Variants in TRIM61 observed in about 807,000 individuals in gnomAD.
The protein encoded by TRIM61 is tripartite motif containing 61, also known as putative tripartite motif-containing protein 61.
TRIM61 carries 1 observed loss-of-function variant against 14.2 expected under a neutral mutation model. The observed-to-expected ratio is 0.07, with a 90% CI of 0.03 to 0.33. TRIM61 has a LOEUF of 0.33. Among genes scored for constraint, TRIM61 ranks in the 10% least tolerant of loss-of-function variants. TRIM61 has a pLI of 0.99. For missense variants in TRIM61, 19 were observed against 202.2 expected (o/e 0.09, Z 5.49); for synonymous variants, 8 against 71.6 (o/e 0.11, Z 4.49).
intron 3 of TRIM61, among the ~76,000 whole-genome samples, chr4:164,964,533 T>G (rs973139269): frequency 6.6e-6 from 1 of 151,824 alleles, no homozygotes; most frequent in African/African-American, 2.4e-5. Context: ...GGCAATAAAT[T>G]GTTAACTGCC....
intron 2 of TRIM61, among the ~76,000 whole-genome samples, chr4:164,973,305 C>A (rs954555363): frequency 6.6e-6 from 1 of 152,182 alleles, no homozygotes; most frequent in Non-Finnish European, 1.5e-5. Flanking sequence ...TCCAACATTA[C>A]GCTAATTGGC....
intron 2 of TRIM61, among the ~76,000 whole-genome samples, chr4:164,971,295 A>G (rs1355294967): frequency 6.6e-6 from 1 of 152,124 alleles, no homozygotes; most frequent in African/African-American, 2.4e-5. Flanking sequence ...AGGTTCAACA[A>G]TTAAAAAAAT....
chr4:164,975,966 G>A (rs1732472050), intron 2 of TRIM61, among the ~76,000 whole-genome samples: 1 of 152,216 alleles, frequency 6.6e-6, no homozygotes, highest in Admixed American at 6.5e-5. Context: ...ACCGCCCTAT[G>A]GTGGGAGGCG....
chr4:164,960,958 A>G (rs538491248), intron 3 of TRIM61, among the ~76,000 whole-genome samples: 5 of 152,222 alleles, frequency 3.3e-5, no homozygotes, highest in African/African-American at 1.2e-4. Flanking sequence ...CTCAAAAAAA[A>G]TGTATACATA....
intron 3 of TRIM61, chr4:164,957,237 G>C (rs753311953): frequency 1.9e-6 from 3 of 1,604,154 alleles, no homozygotes; most frequent in African/African-American, 1.5e-5. Context: ...GTCCAACAGC[G>C]GTCGCTCCAC....
chr4:164,957,891 A>G (rs1200263701), intron 3 of TRIM61: 1 of 174,010 alleles, frequency 5.7e-6, no homozygotes, highest in East Asian at 1.9e-4. Context: ...CAAAAACTTT[A>G]TGAGCTTTTC....
chr4:164,967,731 G>C (rs1371691362), intron 3 of TRIM61, among the ~76,000 whole-genome samples: 1 of 152,114 alleles, frequency 6.6e-6, no homozygotes, highest in African/African-American at 2.4e-5. Flanking sequence ...TGGGCATGGT[G>C]GTTCATGCCT....
Position 164,954,968 on chromosome 4 carries a change from G to T in TRIM61, c.*16+8C>A. The stretch of plus-strand genomic sequence containing the variant: ...ATACAGAAGTTAGCTGGGCATGGTG[G>T]AGGGCACCTGTAGTCCCAGCTACTC... On this transcript the variant is annotated splice_region_variant and intron_variant, in intron 4 of 4. Transcript: ENST00000329314. 3.1e-6 allele frequency: 1 copy of T among 321,828 alleles called. No homozygotes were observed. Among genetic ancestry groups the T allele is most frequent in the Non-Finnish European group, 6.3e-6 (1 of 159,040 alleles). 19.9% of individuals were successfully genotyped at this position (321,828 alleles called of 1,614,324 possible). A position where few individuals can be genotyped will look rare whatever the true frequency, so the allele number is the denominator to read the frequency against.
At chr4:164,957,389 A>G in intron 3 of TRIM61, 3 of 1,614,108 alleles carry the variant, frequency 1.9e-6, no homozygotes, top group South Asian at 1.1e-5. Context: ...ACCACCAGGA[A>G]AAGTCAGGAA....
At chr4:164,957,701 T>C (rs1006449162) in intron 3 of TRIM61, 5 of 641,068 alleles carry the variant, frequency 7.8e-6, no homozygotes, top group Non-Finnish European at 1.3e-5. Flanking sequence ...ATGAATAAGA[T>C]GCAGTTCTGA....
rs1473878825 is a variant in TRIM61, at chr4:164,968,461, C to G, written c.525+1017G>C. ...CCATAATCACATTTTTTGGAAGTTG[C>G]TGAAACTGAGATAAAAAAATATTGC... On this transcript the variant is annotated intron_variant, in intron 3 of 4. Coordinates refer to ENST00000329314, the MANE Select transcript of TRIM61 (RefSeq NM_001012414.3). 4 of 983,356 alleles carry G rather than the reference C, an allele frequency of 4.1e-6. No homozygotes were observed. The East Asian group carries it at 3.7e-4, about 90-fold the overall frequency. 60.9% of individuals were successfully genotyped at this position (983,356 alleles called of 1,614,324 possible). A position where few individuals can be genotyped will look rare whatever the true frequency, so the allele number is the denominator to read the frequency against.
intron 3 of TRIM61, among the ~76,000 whole-genome samples, chr4:164,956,213 G>A (rs1731986466): frequency 2.0e-5 from 3 of 152,054 alleles, no homozygotes; most frequent in Admixed American, 6.6e-5. Context: ...CCACAGGGGC[G>A]GGCCAACATG....
intron 2 of TRIM61, among the ~76,000 whole-genome samples, chr4:164,972,634 G>A (rs981110532): frequency 3.9e-5 from 6 of 152,122 alleles, no homozygotes; most frequent in African/African-American, 1.4e-4. Flanking sequence ...GCCTACAGGC[G>A]TGCGCCACCA....
chr4:164,975,165 G>C (rs1436108599), intron 2 of TRIM61, among the ~76,000 whole-genome samples: 2 of 151,876 alleles, frequency 1.3e-5, no homozygotes, highest in Non-Finnish European at 2.9e-5. Context: ...AGGGGGCAGA[G>C]GTTGCAGTGA....
At chr4:164,957,737 T>C in intron 3 of TRIM61, 2 of 502,924 alleles carry the variant, frequency 4.0e-6, no homozygotes, top group South Asian at 3.2e-5. Flanking sequence ...AAGAATAGGA[T>C]ATGATACGCA....
chr4:164,961,251 A>G (rs1380324769), intron 3 of TRIM61, among the ~76,000 whole-genome samples: 1 of 150,812 alleles, frequency 6.6e-6, no homozygotes, highest in Non-Finnish European at 1.5e-5. Flanking sequence ...TAAAGACAAC[A>G]TGCAGAGTCA....
chr4:164,958,630 T>G (rs138485762), intron 3 of TRIM61: 2,921 of 167,180 alleles, frequency 0.017, 77 homozygotes, highest in African/African-American at 0.061. Flanking sequence ...TTCAGAGATG[T>G]AATGGGAATA....
chr4:164,957,558 A>T, intron 3 of TRIM61: 1 of 1,501,572 alleles, frequency 6.7e-7, no homozygotes, highest in Non-Finnish European at 8.9e-7. Context: ...AGCAAGTGTA[A>T]AATGCTTTAA....
chr4:164,971,516 G>C (rs1007058289), intron 2 of TRIM61, among the ~76,000 whole-genome samples: 1 of 151,610 alleles, frequency 6.6e-6, no homozygotes, highest in Non-Finnish European at 1.5e-5. Flanking sequence ...GCTTGAACCC[G>C]AGAGGAGGAG....
Sources: gnomAD v4.1 joint callset for allele counts (sites outside exome capture counted in the v4.1 genomes callset) on GRCh38, gnomAD v4.1.1 for gene constraint, MANE v1.5 for transcripts, NCBI Gene and HGNC (gene_info 2026-07-23, HGNC 2026-07-21) for gene names.